The following MTDH variants were observed in gnomAD, a reference collection of about 807,000 sequenced individuals.
MTDH encodes protein LYRIC.
MTDH carries 34 observed loss-of-function variants against 72.7 expected under a neutral mutation model. That is an observed-to-expected ratio of 0.47 (90% confidence interval 0.36 to 0.62). The LOEUF is 0.62. Ranked by LOEUF, MTDH falls within the 20% of genes least tolerant of loss-of-function variation. The pLI, the probability that MTDH is intolerant of heterozygous loss-of-function variation, is 0.00. For synonymous variants in MTDH, 266 were observed against 268.9 expected, an observed-to-expected ratio of 0.99 and a Z score of 0.10; for missense variants, 677 against 699.4, an observed-to-expected ratio of 0.97 and a Z score of 0.36.
At chr8:97,645,207 C>A (rs1367987026) in intron 1 of MTDH, among the ~76,000 whole-genome samples, 2 of 152,146 alleles carry the variant, frequency 1.3e-5, no homozygotes, top group Non-Finnish European at 2.9e-5. Flanking sequence ...AGCATCCTTC[C>A]TTGAGGCCTG....
chr8:97,700,540 T>C (rs890151814), intron 7 of MTDH, among the ~76,000 whole-genome samples: 1 of 152,242 alleles, frequency 6.6e-6, no homozygotes, highest in African/African-American at 2.4e-5. Flanking sequence ...ACTAGCACTC[T>C]TTCATACACT....
At chr8:97,703,965 A>G (rs1470718012) in intron 7 of MTDH, among the ~76,000 whole-genome samples, 4 of 152,220 alleles carry the variant, frequency 2.6e-5, no homozygotes, top group African/African-American at 9.6e-5. Flanking sequence ...TCAAATGTAT[A>G]TTTGTTTGAC....
At chr8:97,721,592 A>G (rs112266808) in intron 10 of MTDH, among the ~76,000 whole-genome samples, 48 of 152,354 alleles carry the variant, frequency 3.2e-4, no homozygotes, top group African/African-American at 1.1e-3. Flanking sequence ...CAAGAGAAGC[A>G]TTACTTACCC....
chr8:97,706,974 A>G lies in MTDH; in HGVS notation c.1272+224A>G, dbSNP rs80103128. On this transcript the variant is annotated intron_variant, in intron 8 of 11. Transcript: ENST00000336273. The stretch of plus-strand genomic sequence containing the variant: ...TTCTGGGTCACAGAGGCTGACACCA[A>G]TTGAGAGCCTCAGGGAGACAATAAT... Among the ~76,000 whole-genome samples the G allele has an allele frequency of 5.9e-3, 895 of 152,206 alleles. 6 individuals carry two copies. Among genetic ancestry groups the G allele is most frequent in the African/African-American group, 0.018 (734 of 41,546 alleles).
chr8:97,696,624 C>T (rs1813842603), intron 6 of MTDH, among the ~76,000 whole-genome samples: 1 of 152,140 alleles, frequency 6.6e-6, no homozygotes, highest in Admixed American at 6.6e-5. Flanking sequence ...TACAATTTGA[C>T]ATTTTACTTC....
chr8:97,718,978 ACAC>A, intron 9 of MTDH, 68 bp from the exon 10 acceptor site: 1 of 1,418,396 alleles, frequency 7.1e-7, no homozygotes, highest in South Asian at 1.4e-5. Context: ...TTACAGCCAT[ACAC>A]CACCATAGAT....
chr8:97,682,468 T>A (rs1813176867), intron 2 of MTDH, among the ~76,000 whole-genome samples: 1 of 149,730 alleles, frequency 6.7e-6, no homozygotes, highest in South Asian at 2.1e-4. Context: ...CTGGCTAATT[T>A]TTATTATTTT....
At chr8:97,691,952 T>C (rs937376441) in intron 6 of MTDH, among the ~76,000 whole-genome samples, 5 of 152,164 alleles carry the variant, frequency 3.3e-5, no homozygotes, top group Middle Eastern at 3.2e-3. Context: ...CGATCTCAGC[T>C]CACTGCAACC....
At chr8:97,684,340 T>G (rs1181883098) in intron 2 of MTDH, among the ~76,000 whole-genome samples, 1 of 152,224 alleles carries the variant, frequency 6.6e-6, no homozygotes, top group African/African-American at 2.4e-5. Flanking sequence ...AAAATGTGTC[T>G]ACTAGAAATT....
rs1438875945 is a variant in MTDH, at chr8:97,646,374, T to C, written c.381+1487T>C. On this transcript the variant is annotated intron_variant, in intron 1 of 11. Coordinates refer to ENST00000336273, the MANE Select transcript of MTDH (RefSeq NM_178812.4). ...GAGAAAATAGAACTGATTTGGAACA[T>C]AAATAATTTAAAAATTTGTGGAGAC... Among the ~76,000 whole-genome samples the C allele has an allele frequency of 3.9e-5, 6 of 152,200 alleles. No individual in the cohort carries two copies. In the East Asian group the frequency reaches 1.2e-3, roughly 29 times the overall value.
At chr8:97,667,293 A>G (rs7843534) in intron 2 of MTDH, among the ~76,000 whole-genome samples, 187 of 152,188 alleles carry the variant, frequency 1.2e-3, no homozygotes, top group African/African-American at 4.4e-3. Flanking sequence ...ACTGCCATCT[A>G]CTCACAGTTA....
intron 2 of MTDH, among the ~76,000 whole-genome samples, chr8:97,683,285 G>A (rs1392982494): frequency 6.6e-6 from 1 of 151,342 alleles, no homozygotes; most frequent in African/African-American, 2.4e-5. Context: ...GGATGGTCTC[G>A]ATCTCCTAAG....
rs142857516 is a variant in MTDH at position 97,721,888 on chromosome 8, A to C, written c.1522-991A>C. Among the ~76,000 whole-genome samples the C allele has an allele frequency of 6.4e-3, 973 of 152,338 alleles. 3 individuals carry two copies. Among genetic ancestry groups the C allele is most frequent in the Non-Finnish European group, 7.6e-3 (520 of 68,036 alleles). On this transcript the variant is annotated intron_variant, in intron 10 of 11. Transcript: ENST00000336273. The stretch of plus-strand genomic sequence containing the variant: ...TGAAAATTTGTACCTGAGTGTTACC[A>C]GTTGCTTGAGTCAGTAGGACTGGTA...
At chr8:97,720,185 T>C (rs1009802444) in intron 10 of MTDH, among the ~76,000 whole-genome samples, 1 of 152,122 alleles carries the variant, frequency 6.6e-6, no homozygotes, top group African/African-American at 2.4e-5. Context: ...CCCAAGAGGC[T>C]GAGGCAGGAG....
chr8:97,660,894 T>C (rs1812149010), intron 1 of MTDH, among the ~76,000 whole-genome samples, 178 bp from the exon 2 acceptor site: 1 of 132,062 alleles, frequency 7.6e-6, no homozygotes, highest in South Asian at 2.5e-4. Context: ...TATATATATA[T>C]ATATATAAAC....
At chr8:97,699,887 T>A (rs764602415) in intron 7 of MTDH, 35 bp downstream of exon 7, 8 of 1,328,586 alleles carry the variant, frequency 6.0e-6, no homozygotes, top group Admixed American at 1.8e-5. Flanking sequence ...TTATTTTTTT[T>A]CAGAGTTTTC....
intron 1 of MTDH, among the ~76,000 whole-genome samples, chr8:97,650,623 C>CTT (rs1811735013): frequency 6.6e-6 from 1 of 152,182 alleles, no homozygotes; most frequent in Non-Finnish European, 1.5e-5. Flanking sequence ...TGCAGTGCTG[C>CTT]TTCAACTGTA....
intron 9 of MTDH, among the ~76,000 whole-genome samples, chr8:97,715,937 A>G (rs1003009510): frequency 1.3e-5 from 2 of 152,186 alleles, no homozygotes; most frequent in Admixed American, 1.3e-4. Context: ...AATATAATGA[A>G]TAAGTATTCT....
intron 5 of MTDH, among the ~76,000 whole-genome samples, chr8:97,690,623 A>G (rs1167930333): frequency 7.2e-6 from 1 of 138,792 alleles, no homozygotes; most frequent in African/African-American, 2.9e-5. Flanking sequence ...ATTGCTTGAT[A>G]CATAATGTAA....
Sources: allele counts gnomAD v4.1 joint callset (sites outside exome capture counted in the v4.1 genomes callset), GRCh38; gene constraint gnomAD v4.1.1; transcripts MANE v1.5; gene names NCBI Gene and HGNC (gene_info 2026-07-23, HGNC 2026-07-21).